Variants in GOLGA8A observed in about 807,000 individuals in gnomAD.
GOLGA8A encodes golgin subfamily A member 8A.
Under a neutral mutation model 22.1 loss-of-function variants are expected in GOLGA8A, and 3 were observed. The observed-to-expected ratio is 0.14, with a 90% CI of 0.06 to 0.35. GOLGA8A has a LOEUF of 0.35. Among genes scored for constraint, GOLGA8A ranks in the 10% least tolerant of loss-of-function variants. GOLGA8A has a pLI of 1.00. For missense variants in GOLGA8A, 16 were observed against 233.2 expected (o/e 0.07, Z 6.07); for synonymous variants, 7 against 91.7 (o/e 0.08, Z 5.28).
At chr15:34,430,982 A>G (rs182216972) in intron 2 of GOLGA8A, among the ~76,000 whole-genome samples, 1 of 146,056 alleles carries the variant, frequency 6.8e-6, no homozygotes, top group Non-Finnish European at 1.5e-5. Flanking sequence ...CACATGGCTC[A>G]CTTATTACAC....
chr15:34,426,178 G>C (rs1892974986), intron 2 of GOLGA8A, among the ~76,000 whole-genome samples: 1 of 149,418 alleles, frequency 6.7e-6, no homozygotes, highest in Non-Finnish European at 1.5e-5. Flanking sequence ...CATTCTCCGT[G>C]AGTGTGAAAA....
chr15:34,421,206 C>G (rs1204694910), intron 2 of GOLGA8A, among the ~76,000 whole-genome samples: 1 of 143,780 alleles, frequency 7.0e-6, no homozygotes, highest in Non-Finnish European at 1.5e-5. Context: ...AGGGTCTGCC[C>G]AGGCCACCAC....
chr15:34,404,717 T>C (rs1892158591), intron 5 of GOLGA8A, among the ~76,000 whole-genome samples, 200 bp downstream of exon 5: 1 of 146,674 alleles, frequency 6.8e-6, no homozygotes, highest in African/African-American at 2.5e-5. Flanking sequence ...AAGGCTTCAG[T>C]GAACTATGAT....
intron 2 of GOLGA8A, among the ~76,000 whole-genome samples, chr15:34,430,837 G>A (rs185948552): frequency 2.7e-5 from 4 of 149,832 alleles, no homozygotes; most frequent in Admixed American, 1.3e-4. Flanking sequence ...GAGCAGTGAC[G>A]CTCTACAGCT....
rs960661296 is a variant in GOLGA8A at position 34,434,135 on chromosome 15, C to A, written c.-1123+1248G>T. Reference sequence around the variant, plus strand: ...GGGGTGGGGACAACCCAGGGCAGATCTGGGCAATGAGCCTGTCTGCCTGGA... The same window carrying A: ...GGGGTGGGGACAACCCAGGGCAGATATGGGCAATGAGCCTGTCTGCCTGGA... On this transcript the variant is annotated intron_variant, in intron 2 of 24. Transcript: ENST00000359187. Among the ~76,000 whole-genome samples, 9 of 149,474 alleles carry A rather than the reference C, an allele frequency of 6.0e-5. 2 individuals carry two copies. Among genetic ancestry groups the A allele is most frequent in the Admixed American group, 4.0e-4 (6 of 14,844 alleles).
intron 2 of GOLGA8A, among the ~76,000 whole-genome samples, chr15:34,423,830 A>T (rs150341349): frequency 4.0e-5 from 6 of 149,230 alleles, no homozygotes; most frequent in Non-Finnish European, 8.9e-5. Flanking sequence ...TGCTTTGAGA[A>T]CCAGGGCTGT....
At chr15:34,437,105 G>A (rs1469178355) in intron 1 of GOLGA8A, among the ~76,000 whole-genome samples, 1 of 147,672 alleles carries the variant, frequency 6.8e-6, no homozygotes, top group Non-Finnish European at 1.5e-5. Context: ...GTGGCCCCTC[G>A]CCGCGGTGAG....
chr15:34,435,261 T>G (rs1234238723), intron 2 of GOLGA8A, 122 bp downstream of exon 2: 1 of 149,766 alleles, frequency 6.7e-6, no homozygotes, highest in Non-Finnish European at 1.5e-5. Flanking sequence ...AAGCCCAGCC[T>G]GATGCCAATC....
Position 34,379,421 on chromosome 15 carries a change from TGTTA to T in GOLGA8A, c.*1986_*1989del, listed in dbSNP as rs1891365722. The T allele has an allele frequency of 6.6e-6, 1 of 152,578 alleles. No homozygotes were observed. Among genetic ancestry groups the T allele is most frequent in the South Asian group, 2.1e-4 (1 of 4,838 alleles). 9.5% of individuals were successfully genotyped at this position (152,578 alleles called of 1,614,324 possible). A position where few individuals can be genotyped will look rare whatever the true frequency, so the allele number is the denominator to read the frequency against. Reference sequence around the variant, plus strand: ...ACCCATGGGCTAGAAATCATACGACTGTTAATTAGCCGCATTATTTGGTCTAACA... The same window carrying T: ...ACCCATGGGCTAGAAATCATACGACTATTAGCCGCATTATTTGGTCTAACA... On this transcript the variant is annotated 3_prime_UTR_variant, in exon 25 of 25. Transcript: ENST00000359187.
Position 34,432,449 on chromosome 15 carries a change from G to C in GOLGA8A, c.-1123+2934C>G, listed in dbSNP as rs1893301224. Among the ~76,000 whole-genome samples the C allele has an allele frequency of 1.3e-5, 2 of 148,968 alleles. 1 individual carries two copies. Among genetic ancestry groups the C allele is most frequent in the Non-Finnish European group, 3.0e-5 (2 of 67,132 alleles). ...GCCAGCACTGCCCCATCACAGCCGA[G>C]TGCTCTTAGGCAACCCACAGCTCAG... On this transcript the variant is annotated intron_variant, in intron 2 of 24. Coordinates refer to ENST00000359187, the MANE Select transcript of GOLGA8A (RefSeq NM_181077.5).
At chr15:34,397,533 T>C (rs939638121) in intron 8 of GOLGA8A, among the ~76,000 whole-genome samples, 1 of 148,094 alleles carries the variant, frequency 6.8e-6, no homozygotes, top group Non-Finnish European at 1.5e-5. Context: ...CTCAAATATA[T>C]TGGGTTCACT....
intron 2 of GOLGA8A, among the ~76,000 whole-genome samples, chr15:34,423,105 G>A (rs1298002735): frequency 1.6e-5 from 2 of 126,990 alleles, no homozygotes; most frequent in African/African-American, 5.6e-5. Context: ...TTGGACCCAC[G>A]CCTCCCGGTA....
intron 2 of GOLGA8A, among the ~76,000 whole-genome samples, chr15:34,424,785 G>T (rs1179862257): frequency 1.5e-5 from 2 of 133,306 alleles, no homozygotes; most frequent in Non-Finnish European, 3.2e-5. Context: ...CAGAATATGG[G>T]ATGAATTTAG....
intron 2 of GOLGA8A, among the ~76,000 whole-genome samples, chr15:34,432,849 T>C (rs1306708612): frequency 2.0e-5 from 3 of 149,102 alleles, no homozygotes; most frequent in African/African-American, 7.4e-5. Context: ...GCCGTAGCTG[T>C]AACTCACAAA....
intron 2 of GOLGA8A, among the ~76,000 whole-genome samples, chr15:34,423,876 G>C (rs1177118330): frequency 6.7e-6 from 1 of 149,292 alleles, no homozygotes; most frequent in Non-Finnish European, 1.5e-5. Flanking sequence ...TCATCTGCCT[G>C]TGCACCCAGG....
intron 2 of GOLGA8A, among the ~76,000 whole-genome samples, chr15:34,423,954 G>A (rs1323879404): frequency 2.7e-5 from 4 of 147,926 alleles, no homozygotes; most frequent in Non-Finnish European, 3.0e-5. Context: ...GCGGCTGCCA[G>A]CTTGCTGGCA....
intron 2 of GOLGA8A, among the ~76,000 whole-genome samples, chr15:34,425,419 A>C: frequency 6.9e-6 from 1 of 144,910 alleles, no homozygotes; most frequent in Non-Finnish European, 1.5e-5. Context: ...CACAAATCAC[A>C]CCGTATCTAA....
intron 1 of GOLGA8A, among the ~76,000 whole-genome samples, chr15:34,436,767 C>T (rs1893536658): frequency 6.7e-6 from 1 of 149,930 alleles, no homozygotes; most frequent in South Asian, 2.1e-4. Flanking sequence ...CCAGGCAGTG[C>T]CTGGCGTGGA....
At chr15:34,435,979 T>A (rs937015835) in intron 1 of GOLGA8A, among the ~76,000 whole-genome samples, 1 of 148,964 alleles carries the variant, frequency 6.7e-6, no homozygotes, top group African/African-American at 2.5e-5. Flanking sequence ...CAGGAGACCC[T>A]CTCCAGCCCA....
Sources: gnomAD v4.1 joint callset for allele counts (sites outside exome capture counted in the v4.1 genomes callset) on GRCh38, gnomAD v4.1.1 for gene constraint, MANE v1.5 for transcripts, NCBI Gene and HGNC (gene_info 2026-07-23, HGNC 2026-07-21) for gene names.